Variants in KCNN2 observed in about 807,000 individuals in gnomAD.
The protein encoded by KCNN2 is small conductance calcium-activated potassium channel protein 2.
A neutral mutation model predicts 55.5 loss-of-function variants in KCNN2; 24 were observed. That is an observed-to-expected ratio of 0.43 (90% CI 0.31 to 0.61). The LOEUF is 0.61. KCNN2 is among the 20% of genes least tolerant of loss of function. KCNN2 has a pLI of 0.08. For synonymous variants in KCNN2, 431 were observed against 336.1 expected, an observed-to-expected ratio of 1.28 and a Z score of -3.09; for missense variants, 754 against 853.6, an observed-to-expected ratio of 0.88 and a Z score of 1.45.
intron 2 of KCNN2, among the ~76,000 whole-genome samples, chr5:114,274,572 T>G (rs1440634214): frequency 6.6e-6 from 1 of 152,178 alleles, no homozygotes. Flanking sequence ...GTTGTATTCC[T>G]AGGTATTTTA....
At chr5:114,228,018 T>C (rs1259536744) in intron 2 of KCNN2, among the ~76,000 whole-genome samples, 1 of 40,226 alleles carries the variant, frequency 2.5e-5, no homozygotes, top group South Asian at 9.5e-4. Context: ...ATGATGATGA[T>C]GATGATGATG....
At chr5:114,141,429 G>C (rs1225545349) in intron 1 of KCNN2, among the ~76,000 whole-genome samples, 5 of 151,974 alleles carry the variant, frequency 3.3e-5, no homozygotes, top group Admixed American at 1.3e-4. Flanking sequence ...ATGGTTTCCA[G>C]CTTCATGCAT....
At chr5:114,094,400 C>T (rs575019918) in intron 1 of KCNN2, among the ~76,000 whole-genome samples, 2 of 152,270 alleles carry the variant, frequency 1.3e-5, no homozygotes, top group East Asian at 1.9e-4. Context: ...CAGAATCTTT[C>T]GAAAGACTCT....
intron 1 of KCNN2, among the ~76,000 whole-genome samples, chr5:114,196,485 C>G (rs1303241649): frequency 1.3e-5 from 2 of 151,956 alleles, no homozygotes; most frequent in African/African-American, 4.8e-5. Context: ...CCAAATGGGC[C>G]TGGACTTTTC....
intron 1 of KCNN2, among the ~76,000 whole-genome samples, chr5:114,183,210 T>C (rs1753271401): frequency 6.6e-6 from 1 of 152,128 alleles, no homozygotes; most frequent in Non-Finnish European, 1.5e-5. Flanking sequence ...ATCTGGCATT[T>C]CTGGAATAAA....
chr5:114,305,940 CATGCAT>C (rs1424516901), intron 2 of KCNN2, among the ~76,000 whole-genome samples: 14 of 152,288 alleles, frequency 9.2e-5, no homozygotes, highest in Admixed American at 9.2e-4. Flanking sequence ...TACCCTGTGG[CATGCAT>C]ATTTTTTATT....
chr5:114,156,300 T>A (rs1368853872), intron 1 of KCNN2, among the ~76,000 whole-genome samples: 2 of 152,326 alleles, frequency 1.3e-5, no homozygotes, highest in East Asian at 1.9e-4. Context: ...TAGTATAGTT[T>A]AAAGTCAGGT....
chr5:114,493,487 C>CT lies in KCNN2; in HGVS notation c.2088+17dup. 1 of 1,581,642 alleles carries CT rather than the reference C, an allele frequency of 6.3e-7. No homozygotes were observed. The highest frequency in any genetic ancestry group is 8.7e-7 in the Non-Finnish European group (1 of 1,150,726). On this transcript the variant is annotated intron_variant, in intron 7 of 7. Transcript: ENST00000673685. The stretch of plus-strand genomic sequence containing the variant: ...ACTTGGCAAAGGTAAGCCTGAGGTG[C>CT]TTAGCCCTCCTAGTTGCATCTGTTG...
intron 1 of KCNN2, among the ~76,000 whole-genome samples, chr5:114,161,378 G>T (rs970303371): frequency 1.4e-5 from 2 of 138,890 alleles, no homozygotes; most frequent in Admixed American, 1.5e-4. Context: ...TCAGCTGTTA[G>T]TCTGATGGGC....
At chr5:114,432,291 T>A (rs1260777342) in intron 3 of KCNN2, among the ~76,000 whole-genome samples, 1 of 152,250 alleles carries the variant, frequency 6.6e-6, no homozygotes, top group East Asian at 1.9e-4. Flanking sequence ...TTATGTCTCC[T>A]TGGAAGATTG....
At chr5:114,351,521 C>A (rs1178758781) in intron 2 of KCNN2, among the ~76,000 whole-genome samples, 1 of 151,670 alleles carries the variant, frequency 6.6e-6, no homozygotes, top group Non-Finnish European at 1.5e-5. Flanking sequence ...TCTCTCATAT[C>A]GATCTTAAGG....
intron 1 of KCNN2, among the ~76,000 whole-genome samples, chr5:114,071,335 A>C (rs113314412): frequency 4.1e-4 from 62 of 152,294 alleles, no homozygotes; most frequent in African/African-American, 1.5e-3. Context: ...TTCAACTCCT[A>C]ACCCTTGTGA....
chr5:114,128,416 G>A (rs979051703), intron 1 of KCNN2, among the ~76,000 whole-genome samples: 13 of 152,098 alleles, frequency 8.5e-5, no homozygotes, highest in Non-Finnish European at 1.3e-4. Flanking sequence ...ACTCACTATC[G>A]TGAGAACAGG....
intron 3 of KCNN2, among the ~76,000 whole-genome samples, chr5:114,416,084 G>T (rs1029419162): frequency 6.6e-6 from 1 of 152,068 alleles, no homozygotes; most frequent in South Asian, 2.1e-4. Flanking sequence ...AGCAAAGAGA[G>T]GAAAGAGCAA....
At chr5:114,293,235 A>T (rs1165984378) in intron 2 of KCNN2, among the ~76,000 whole-genome samples, 1 of 152,144 alleles carries the variant, frequency 6.6e-6, no homozygotes, top group African/African-American at 2.4e-5. Flanking sequence ...TATGTTGAAT[A>T]GGAGTGGTGA....
chr5:114,203,491 T>C (rs1165874261), intron 1 of KCNN2, among the ~76,000 whole-genome samples: 4 of 152,212 alleles, frequency 2.6e-5, no homozygotes, highest in Non-Finnish European at 4.4e-5. Flanking sequence ...CTGAGGCTAA[T>C]TGGTACCATA....
At chr5:114,273,041 C>G (rs536079693) in intron 2 of KCNN2, among the ~76,000 whole-genome samples, 1 of 152,144 alleles carries the variant, frequency 6.6e-6, no homozygotes, top group South Asian at 2.1e-4. Flanking sequence ...CAACACCCCC[C>G]ACAGGCCCTG....
intron 3 of KCNN2, among the ~76,000 whole-genome samples, chr5:114,457,655 A>T (rs1760994450): frequency 1.3e-5 from 2 of 152,170 alleles, no homozygotes. Context: ...GCAGAACCCT[A>T]TGAAGTTCTC....
intron 1 of KCNN2, among the ~76,000 whole-genome samples, chr5:114,183,305 T>G (rs1196150161): frequency 6.6e-6 from 1 of 152,070 alleles, no homozygotes; most frequent in Non-Finnish European, 1.5e-5. Context: ...CTGTCATTGG[T>G]CCATAGTTTT....
Sources: gnomAD v4.1 joint callset for allele counts (sites outside exome capture counted in the v4.1 genomes callset) on GRCh38, gnomAD v4.1.1 for gene constraint, MANE v1.5 for transcripts, NCBI Gene and HGNC (gene_info 2026-07-23, HGNC 2026-07-21) for gene names.